GUCY1B1: variants seen among roughly 807,000 people sequenced by gnomAD.
The protein encoded by GUCY1B1 is guanylate cyclase soluble subunit beta-1.
A neutral mutation model predicts 71.0 loss-of-function variants in GUCY1B1; 43 were observed. The observed-to-expected ratio is 0.61, with a 90% CI of 0.47 to 0.78. The LOEUF (loss-of-function observed/expected upper bound fraction) is 0.78. Ranked by LOEUF, GUCY1B1 falls within the 30% of genes least tolerant of loss-of-function variation. The probability of loss-of-function intolerance (pLI) is 0.00; values close to 1 mark genes in which losing one functional copy is unlikely to be tolerated. For synonymous variants in GUCY1B1, 266 were observed against 259.7 expected, an observed-to-expected ratio of 1.02 and a Z score of -0.23; for missense variants, 535 against 754.1, an observed-to-expected ratio of 0.71 and a Z score of 3.40.
At chr4:155,788,415 T>C (rs1478229568) in intron 4 of GUCY1B1, among the ~76,000 whole-genome samples, 1 of 152,210 alleles carries the variant, frequency 6.6e-6, no homozygotes, top group African/African-American at 2.4e-5. Context: ...CTTTGACCTT[T>C]TGTCATTGCA....
intron 4 of GUCY1B1, among the ~76,000 whole-genome samples, chr4:155,779,855 T>G (rs1738294081): frequency 6.6e-6 from 1 of 152,220 alleles, no homozygotes; most frequent in African/African-American, 2.4e-5. Context: ...ACTTCAACTC[T>G]TCACTAAAAA....
At chr4:155,800,115 A>AG in intron 9 of GUCY1B1, 41 bp downstream of exon 9, 1 of 1,338,388 alleles carries the variant, frequency 7.5e-7, no homozygotes, top group Non-Finnish European at 1.0e-6. Context: ...TATTCATAAC[A>AG]TAATGTGACT....
chr4:155,788,057 G>T (rs1738916792), intron 4 of GUCY1B1, among the ~76,000 whole-genome samples: 1 of 151,922 alleles, frequency 6.6e-6, no homozygotes, highest in African/African-American at 2.4e-5. Flanking sequence ...GTTTTTTATT[G>T]CTACCATAAC....
At chr4:155,764,379 A>G (rs1461556789) in intron 2 of GUCY1B1, among the ~76,000 whole-genome samples, 1 of 152,194 alleles carries the variant, frequency 6.6e-6, no homozygotes, top group Non-Finnish European at 1.5e-5. Flanking sequence ...TTTTTTTAAT[A>G]ACAAAGTTGG....
intron 2 of GUCY1B1, chr4:155,772,485 C>T (rs1484115612): frequency 2.2e-6 from 1 of 450,080 alleles, no homozygotes; most frequent in East Asian, 3.6e-5. Flanking sequence ...CAAGATCACG[C>T]CTCACTGAGG....
intron 4 of GUCY1B1, among the ~76,000 whole-genome samples, chr4:155,783,200 T>C (rs977120731): frequency 2.0e-5 from 3 of 152,206 alleles, no homozygotes; most frequent in Non-Finnish European, 4.4e-5. Context: ...GAGAAAGCTG[T>C]ATTTGATAAG....
intron 2 of GUCY1B1, among the ~76,000 whole-genome samples, chr4:155,770,029 A>C (rs76526250): frequency 0.021 from 3,184 of 152,248 alleles, 117 homozygotes; most frequent in African/African-American, 0.072. Context: ...TCTACTTGTC[A>C]CAAAAATAAA....
chr4:155,795,215 G>A (rs1739463344), intron 6 of GUCY1B1, 126 bp from the exon 7 acceptor site: 1 of 532,402 alleles, frequency 1.9e-6, no homozygotes, highest in African/African-American at 1.9e-5. Context: ...AGTTTCCCTT[G>A]AATTATAATA....
chr4:155,803,867 A>G, intron 11 of GUCY1B1, 103 bp downstream of exon 11: 2 of 684,214 alleles, frequency 2.9e-6, no homozygotes, highest in Non-Finnish European at 4.5e-6. Flanking sequence ...AAAGAAGGGC[A>G]TCTTGACAAC....
In GUCY1B1 at chr4:155,805,164, T is replaced by C. The variant is rs1400204124; in HGVS notation, c.1771T>C (p.Ser591Pro). Residue 591 changes from serine to proline, a missense_variant, in exon 13 of 14, where the codon TCC (serine) becomes CCC (proline). By Grantham distance (74) the Ser-to-Pro change is moderately conservative. Coordinates refer to ENST00000264424, the MANE Select transcript of GUCY1B1 (RefSeq NM_000857.5). ...CCACTTGGAGCACAGAGGCCCAGTGTCCATGAAGGGCAAAAAAGAACCAAT... is the reference window on the plus strand; with the variant it reads ...CCACTTGGAGCACAGAGGCCCAGTGCCCATGAAGGGCAAAAAAGAACCAAT... ...QFHLEHRGPV[S>P]MKGKKEPMQV... 6.2e-7 allele frequency: 1 copy of C among 1,611,994 alleles called. No homozygotes were observed.
intron 9 of GUCY1B1, among the ~76,000 whole-genome samples, chr4:155,801,578 T>G (rs947106905): frequency 8.5e-5 from 13 of 152,192 alleles, no homozygotes; most frequent in Non-Finnish European, 5.9e-5. Context: ...TTCCCACATA[T>G]GCCCTTTTGC....
intron 1 of GUCY1B1, 118 bp downstream of exon 1, chr4:155,759,261 C>A: frequency 9.9e-7 from 1 of 1,010,622 alleles, no homozygotes; most frequent in Non-Finnish European, 1.5e-6. Flanking sequence ...TCACTGCCGG[C>A]CACGGGAGCA....
intron 8 of GUCY1B1, 131 bp from the exon 9 acceptor site, chr4:155,799,746 A>T: frequency 1.9e-6 from 1 of 524,120 alleles, no homozygotes; most frequent in Non-Finnish European, 3.4e-6. Flanking sequence ...AATTCTCCAT[A>T]ATTCTATTGT....
Position 155,759,064 on chromosome 4 carries a change from C to A in GUCY1B1, c.-77C>A, listed in dbSNP as rs1312651477. Reference sequence around the variant, plus strand: ...CTCCCCGGCCCGGTTGCGCTGTAGCCGCTGCCGCCTCTGCCTGGGTCCCTT... The same window carrying A: ...CTCCCCGGCCCGGTTGCGCTGTAGCAGCTGCCGCCTCTGCCTGGGTCCCTT... On this transcript the variant is annotated 5_prime_UTR_variant, in exon 1 of 14. Coordinates refer to ENST00000264424, the MANE Select transcript of GUCY1B1 (RefSeq NM_000857.5). 3 of 1,487,850 alleles carry A rather than the reference C, an allele frequency of 2.0e-6. No homozygotes were observed. The highest frequency in any genetic ancestry group is 1.4e-5 in the African/African-American group (1 of 71,926). The allele number at this position is 1,487,850 out of a possible 1,614,324, so 92.2% of individuals were successfully genotyped here.
At chr4:155,785,847 GA>G (rs1409217463) in intron 4 of GUCY1B1, among the ~76,000 whole-genome samples, 2 of 152,150 alleles carry the variant, frequency 1.3e-5, no homozygotes, top group African/African-American at 4.8e-5. Flanking sequence ...AATCTTTTAT[GA>G]TTCAGGAGAG....
At position 155,802,625 on chromosome 4, in the gene GUCY1B1, G is replaced by C. The variant is rs377005564; in HGVS notation, c.1413+46G>C. On this transcript the variant is annotated intron_variant, in intron 10 of 13. Transcript: ENST00000264424. The surrounding 1 kb of genome is among the most constrained non-coding windows in gnomAD (Gnocchi z 4.3). ...ACTGCAGAGCTATCCAGAGGCTGGC[G>C]TTCTGAGACTCCCCTCCAGAGGCCA... The C allele has an allele frequency of 2.0e-6, 3 of 1,485,172 alleles. No individual in the cohort carries two copies. Among genetic ancestry groups the C allele is most frequent in the Non-Finnish European group, 2.7e-6 (3 of 1,111,380 alleles). 92.0% of individuals were successfully genotyped at this position (1,485,172 alleles called of 1,614,324 possible). A position where few individuals can be genotyped will look rare whatever the true frequency, so the allele number is the denominator to read the frequency against.
At chr4:155,795,771 A>G (rs1365835238) in intron 7 of GUCY1B1, among the ~76,000 whole-genome samples, 1 of 149,998 alleles carries the variant, frequency 6.7e-6, no homozygotes. Flanking sequence ...ATCAGAACTA[A>G]AAAGGATTTT....
chr4:155,784,680 A>G (rs2111080566), intron 4 of GUCY1B1, among the ~76,000 whole-genome samples: 1 of 152,236 alleles, frequency 6.6e-6, no homozygotes, highest in Non-Finnish European at 1.5e-5. Context: ...CCTTCTCCCC[A>G]TCCACTAAAA....
chr4:155,800,018 T>C lies in GUCY1B1; in HGVS notation c.1119T>C (p.Thr373=). The C allele has an allele frequency of 6.2e-7, 1 of 1,613,740 alleles. No individual in the cohort carries two copies. Among genetic ancestry groups the C allele is most frequent in the Non-Finnish European group, 8.5e-7 (1 of 1,179,710 alleles). Residue 373 remains threonine, a synonymous_variant, in exon 9 of 14, where the codon ACT becomes ACC. Transcript: ENST00000264424. ...TCACCCAAGAACTGGAAATCCTCAC[T>C]GACAGGCTACAGCTCACGTTAAGAG... ...YKLTQELEIL[T]DRLQLTLRAL...
Sources: allele counts gnomAD v4.1 joint callset (sites outside exome capture counted in the v4.1 genomes callset), GRCh38; gene constraint gnomAD v4.1.1; non-coding constraint Gnocchi (gnomAD v3.1); transcripts MANE v1.5; gene names NCBI Gene and HGNC (gene_info 2026-07-23, HGNC 2026-07-21).